Variants in ECPAS observed in about 807,000 individuals in gnomAD.
The protein encoded by ECPAS is proteasome adapter and scaffold protein ECM29.
In ECPAS, 70 loss-of-function variants were observed where a neutral mutation model predicts 255.1. The ratio of observed to expected loss-of-function variants is 0.27; its 90% confidence interval spans 0.23 to 0.33. ECPAS has a LOEUF of 0.33. Among genes scored for constraint, ECPAS ranks in the 10% least tolerant of loss-of-function variants. The pLI is 1.00. For synonymous variants in ECPAS, 784 were observed against 775.0 expected, an observed-to-expected ratio of 1.01 and a Z score of -0.19; for missense variants, 1,817 against 2,206.4, an observed-to-expected ratio of 0.82 and a Z score of 3.54.
chr9:111,383,097 G>C, intron 35 of ECPAS, 114 bp downstream of exon 35: 2 of 1,270,994 alleles, frequency 1.6e-6, no homozygotes, highest in Non-Finnish European at 2.2e-6. Context: ...AATGACCCAA[G>C]GGTCATTCTC....
chr9:111,369,538 C>CT (rs1385994532), intron 45 of ECPAS, among the ~76,000 whole-genome samples: 1 of 152,216 alleles, frequency 6.6e-6, no homozygotes, highest in South Asian at 2.1e-4. Flanking sequence ...AGAGAAGCAA[C>CT]TGGTCCAGCT....
intron 24 of ECPAS, among the ~76,000 whole-genome samples, chr9:111,401,472 T>G (rs377053738): frequency 6.6e-6 from 1 of 152,180 alleles, no homozygotes; most frequent in East Asian, 1.9e-4. Context: ...AGGGCAAAAT[T>G]AGAATTACTG....
chr9:111,482,685 G>T (rs375933875), intron 1 of ECPAS, among the ~76,000 whole-genome samples: 5 of 152,226 alleles, frequency 3.3e-5, no homozygotes, highest in East Asian at 1.9e-4. Context: ...AAACCCTTGG[G>T]GGGGAGAACA....
chr9:111,364,326 A>C (rs938392504), intron 48 of ECPAS, among the ~76,000 whole-genome samples: 2 of 152,236 alleles, frequency 1.3e-5, no homozygotes, highest in African/African-American at 4.8e-5. Context: ...GTGACCTGTC[A>C]AAAGGACACA....
At chr9:111,445,605 C>T (rs1054734951) in intron 3 of ECPAS, among the ~76,000 whole-genome samples, 7 of 152,098 alleles carry the variant, frequency 4.6e-5, no homozygotes, top group Non-Finnish European at 1.5e-5. Flanking sequence ...TTCATAAAAG[C>T]AAGGTCTGGA....
intron 31 of ECPAS, 114 bp from the exon 32 acceptor site, chr9:111,386,570 T>C: frequency 1.5e-6 from 1 of 657,076 alleles, no homozygotes; most frequent in South Asian, 1.9e-5. Flanking sequence ...TGTTTCTATA[T>C]TTTACGGCCT....
intron 21 of ECPAS, chr9:111,411,754 T>C (rs2098194815): frequency 3.0e-6 from 1 of 332,590 alleles, no homozygotes; most frequent in South Asian, 6.5e-5. Context: ...CTGAGCATCC[T>C]GTTGTACCAG....
intron 24 of ECPAS, among the ~76,000 whole-genome samples, chr9:111,403,400 T>C (rs1241206789): frequency 1.5e-5 from 2 of 135,302 alleles, no homozygotes; most frequent in African/African-American, 6.7e-5. Flanking sequence ...ACAAATAGAT[T>C]GAAGGTAAAG....
intron 2 of ECPAS, among the ~76,000 whole-genome samples, chr9:111,460,005 G>T (rs147481033): frequency 8.0e-4 from 121 of 152,028 alleles, no homozygotes; most frequent in African/African-American, 2.8e-3. Flanking sequence ...GCAAATAAAA[G>T]ATATTTCTCA....
In ECPAS at chr9:111,361,814, A is replaced by G; in HGVS notation, c.*216T>C. 1 of 405,464 alleles carries G rather than the reference A, an allele frequency of 2.5e-6. No individual in the cohort carries two copies. The highest frequency in any genetic ancestry group is 4.3e-6 in the Non-Finnish European group (1 of 234,042). 25.1% of individuals were successfully genotyped at this position (405,464 alleles called of 1,614,324 possible). On this transcript the variant is annotated 3_prime_UTR_variant, in exon 50 of 50. Coordinates refer to ENST00000684092, the MANE Select transcript of ECPAS (RefSeq NM_001364929.1). ...TTTACAACCACCCCTCAAACATCCA[A>G]GGTTCCATTAAGCTCACTCAGCCCA... is the stretch of plus-strand genomic sequence containing the variant.
Position 111,437,611 on chromosome 9 carries a change from C to T in ECPAS, c.540-503G>A, listed in dbSNP as rs372353164. 5.6e-4 allele frequency among the ~76,000 whole-genome samples: 85 copies of T among 152,224 alleles called. 1 individual carries two copies. In the South Asian group the frequency reaches 0.016, roughly 29 times the overall value. ...TAGAAAATCCACTGAAACCTCCAAA[C>T]GGCCACATAAGCACATAAGCACGTA... is the stretch of plus-strand genomic sequence containing the variant. On this transcript the variant is annotated intron_variant, in intron 6 of 49. Coordinates refer to ENST00000684092, the MANE Select transcript of ECPAS (RefSeq NM_001364929.1).
rs397940736 is a variant in ECPAS at position 111,454,724 on chromosome 9, T to TTA, written c.23-3170_23-3169insTA. ...TTTTCTTTTCCTTTTTTTTTTTTTT[T>TTA]AAATAAGACAGGGTCTTGCTGACAC... is the stretch of plus-strand genomic sequence containing the variant. On this transcript the variant is annotated intron_variant, in intron 2 of 49. Coordinates refer to ENST00000684092, the MANE Select transcript of ECPAS (RefSeq NM_001364929.1). 1.1e-3 allele frequency among the ~76,000 whole-genome samples: 161 copies of TTA among 151,698 alleles called. 1 individual carries two copies. The highest frequency in any genetic ancestry group is 3.6e-3 in the African/African-American group (150 of 41,386).
chr9:111,420,111 G>C lies in ECPAS; in HGVS notation c.1465C>G (p.Gln489Glu), dbSNP rs1358019322. 6.2e-7 allele frequency: 1 copy of C among 1,611,202 alleles called. No homozygotes were observed. Among genetic ancestry groups the C allele is most frequent in the South Asian group, 1.1e-5 (1 of 90,996 alleles). The change falls in exon 16 of 50, where the codon CAA becomes GAA. Residue 489 changes from glutamine to glutamate, a missense_variant. By Grantham distance (29) the Gln-to-Glu change is conservative (BLOSUM62 2). Transcript: ENST00000684092. ...AATTTCACAGCCACTTGTCGAACTT[G>C]AACTTCAGGCTATTTCATGTGTAAA... is the stretch of plus-strand genomic sequence containing the variant. ...VASYLIKPEV[Q>E]VRQVAVKFAS...
At chr9:111,397,388 T>G (rs910422929) in intron 24 of ECPAS, among the ~76,000 whole-genome samples, 1 of 152,206 alleles carries the variant, frequency 6.6e-6, no homozygotes, top group African/African-American at 2.4e-5. Context: ...TCACCCTCAG[T>G]AGAGAACCAC....
At chr9:111,462,769 GT>G (rs1020514042) in intron 2 of ECPAS, among the ~76,000 whole-genome samples, 1 of 124,702 alleles carries the variant, frequency 8.0e-6, no homozygotes, top group African/African-American at 3.1e-5. Flanking sequence ...TTGAGACAGA[GT>G]TTCACTCTGT....
At position 111,378,728 on chromosome 9, in the gene ECPAS, A is replaced by G; in HGVS notation, c.3806T>C (p.Ile1269Thr). The part of the protein sequence containing the change: ...STVTEVRALS[I>T]NTLVKISKSA... ...TTTGCTGATCTTCACAAGGGTGTTA[A>G]TGCTACAAACATATGGAACACAACT... The change falls in exon 36 of 50, where the codon ATT (isoleucine) becomes ACT (threonine). Residue 1269 changes from isoleucine (I) to threonine (T), a missense_variant and splice_region_variant. Physicochemically the swap from Ile to Thr is moderately conservative, Grantham distance 89 (BLOSUM62 -1). Coordinates refer to ENST00000684092, the MANE Select transcript of ECPAS (RefSeq NM_001364929.1). 6.2e-7 allele frequency: 1 copy of G among 1,609,844 alleles called. No individual in the cohort carries two copies. The highest frequency in any genetic ancestry group is 8.5e-7 in the Non-Finnish European group (1 of 1,177,152).
chr9:111,470,545 C>CTGCT (rs2098286150), intron 2 of ECPAS, among the ~76,000 whole-genome samples: 1 of 151,958 alleles, frequency 6.6e-6, no homozygotes, highest in Non-Finnish European at 1.5e-5. Context: ...CTCCTGACCT[C>CTGCT]GTGATCCGCC....
At chr9:111,449,818 A>G (rs1410974872) in intron 3 of ECPAS, among the ~76,000 whole-genome samples, 1 of 151,994 alleles carries the variant, frequency 6.6e-6, no homozygotes, top group Non-Finnish European at 1.5e-5. Flanking sequence ...CTTTCCTCCT[A>G]TCAGGCTTCG....
chr9:111,443,356 T>C (rs1023075695), intron 4 of ECPAS, among the ~76,000 whole-genome samples: 5 of 152,178 alleles, frequency 3.3e-5, no homozygotes, highest in Admixed American at 6.5e-5. Context: ...GTTCAAGTGA[T>C]TCCCCTGCCT....
Sources: gnomAD v4.1 joint callset for allele counts (sites outside exome capture counted in the v4.1 genomes callset) on GRCh38, gnomAD v4.1.1 for gene constraint, MANE v1.5 for transcripts, NCBI Gene and HGNC (gene_info 2026-07-23, HGNC 2026-07-21) for gene names.